Variants in LCK observed in about 807,000 individuals in gnomAD.
LCK encodes the protein tyrosine-protein kinase Lck.
In LCK, 14 loss-of-function variants were observed where a neutral mutation model predicts 64.6. That is an observed-to-expected ratio of 0.22 (90% CI 0.14 to 0.34). LCK has a LOEUF of 0.34. Ranked by LOEUF, LCK falls within the 10% of genes least tolerant of loss-of-function variation. The probability of loss-of-function intolerance (pLI) is 1.00; values close to 1 mark genes in which losing one functional copy is unlikely to be tolerated. For missense variants in LCK, 434 were observed against 668.1 expected, an observed-to-expected ratio of 0.65 and a Z score of 3.86; for synonymous variants, 277 against 263.6, an observed-to-expected ratio of 1.05 and a Z score of -0.49.
intron 1 of LCK, among the ~76,000 whole-genome samples, chr1:32,267,281 G>T (rs1487939197): frequency 6.6e-6 from 1 of 151,964 alleles, no homozygotes; most frequent in Non-Finnish European, 1.5e-5. Context: ...GAGTGAATAC[G>T]TACCCTTTTC....
chr1:32,280,437 CTTTTTCTTTTTTTTTTT>C (rs1640419044), intron 12 of LCK, among the ~76,000 whole-genome samples: 1 of 104,796 alleles, frequency 9.5e-6, no homozygotes, highest in Non-Finnish European at 2.0e-5. Flanking sequence ...CTCTTTTTTT[CTTTTTCTTTTTTTTTTT>C]TTTTTTTTTT....
At position 32,251,515 on chromosome 1, in the gene LCK, G is replaced by A. The variant is rs1639505322; in HGVS notation, c.-6+144G>A. ...GAAGATCCTCGCTCAAGGTCAGGTG[G>A]GAGGCAGGCAGTGTAGCTGGGTCGC... On this transcript the variant is annotated intron_variant, in intron 1 of 12. Transcript: ENST00000336890. The surrounding 1 kb of genome is among the most constrained non-coding windows in gnomAD (Gnocchi z 4.0). The A allele has an allele frequency of 6.6e-6, 1 of 152,558 alleles. No individual in the cohort carries two copies. Among genetic ancestry groups the A allele is most frequent in the African/African-American group, 2.4e-5 (1 of 41,456 alleles). 9.5% of individuals were successfully genotyped at this position (152,558 alleles called of 1,614,324 possible).
Position 32,264,572 on chromosome 1 carries a change from C to T in LCK, c.-5-9753C>T, listed in dbSNP as rs1206861279. On this transcript the variant is annotated intron_variant, in intron 1 of 12. Coordinates refer to ENST00000336890, the MANE Select transcript of LCK (RefSeq NM_005356.5). Reference sequence around the variant, plus strand: ...TGTATTATTGGGACAATCACTGAACCTCTCCTTTTCCCCAGTTTTAAAATG... The same window carrying T: ...TGTATTATTGGGACAATCACTGAACTTCTCCTTTTCCCCAGTTTTAAAATG... Among the ~76,000 whole-genome samples the T allele has an allele frequency of 2.6e-5, 4 of 152,118 alleles. No homozygotes were observed. The East Asian group carries it at 5.8e-4, about 22-fold the overall frequency.
intron 1 of LCK, among the ~76,000 whole-genome samples, chr1:32,264,476 G>A (rs1008737585): frequency 3.3e-5 from 5 of 151,862 alleles, no homozygotes; most frequent in Non-Finnish European, 7.4e-5. Flanking sequence ...GGGCAACGTA[G>A]TGAGACCTCG....
rs538603545 is a variant in LCK at position 32,281,608 on chromosome 1, C to G, written c.1327+1398C>G. ...CCTTTACCCCTGAATTCAGCCAAGA[C>G]AGGGATGGAATTTTTGAAAGGAACT... On this transcript the variant is annotated intron_variant, in intron 12 of 12. Transcript: ENST00000336890. Among the ~76,000 whole-genome samples the G allele has an allele frequency of 3.3e-4, 50 of 152,158 alleles. 1 individual carries two copies. The South Asian group carries it at 1.0e-2, about 30-fold the overall frequency.
intron 12 of LCK, among the ~76,000 whole-genome samples, chr1:32,283,512 A>G (rs1228995712): frequency 6.6e-6 from 1 of 152,132 alleles, no homozygotes; most frequent in Non-Finnish European, 1.5e-5. Flanking sequence ...TACATGAGCA[A>G]TTTAGAAATA....
In LCK at chr1:32,276,284, T is replaced by C; in HGVS notation, c.632-53T>C. The C allele has an allele frequency of 6.6e-7, 1 of 1,521,254 alleles. No individual in the cohort carries two copies. Among genetic ancestry groups the C allele is most frequent in the East Asian group, 2.3e-5 (1 of 44,056 alleles). 94.2% of individuals were successfully genotyped at this position (1,521,254 alleles called of 1,614,324 possible). ...GCTTGGAGAAGTGGGGGAGGTGGTG[T>C]CAATACGAGGCCTGCCCTATTGACA... On this transcript the variant is annotated intron_variant, in intron 7 of 12. Coordinates refer to ENST00000336890, the MANE Select transcript of LCK (RefSeq NM_005356.5). The surrounding 1 kb of genome is among the most constrained non-coding windows in gnomAD (Gnocchi z 4.6).
chr1:32,255,254 G>T (rs1398410281), intron 1 of LCK, among the ~76,000 whole-genome samples: 1 of 152,144 alleles, frequency 6.6e-6, no homozygotes, highest in Non-Finnish European at 1.5e-5. Context: ...ATTTTACCTG[G>T]TTTGGGCCTC....
chr1:32,256,095 C>T (rs1260924381), intron 1 of LCK, among the ~76,000 whole-genome samples: 1 of 151,866 alleles, frequency 6.6e-6, no homozygotes, highest in African/African-American at 2.4e-5. Context: ...TAGCAACACC[C>T]CGTCTCTATT....
intron 1 of LCK, among the ~76,000 whole-genome samples, chr1:32,262,868 G>GAAAAAA (rs539749343): frequency 1.2e-5 from 1 of 85,572 alleles, no homozygotes; most frequent in African/African-American, 3.7e-5. Flanking sequence ...GAGGAAGGGA[G>GAAAAAA]AAAAAAAAAA....
chr1:32,275,760 G>C lies in LCK; in HGVS notation c.481+88G>C. 4.3e-6 allele frequency: 6 copies of C among 1,403,540 alleles called. No homozygotes were observed. The highest frequency in any genetic ancestry group is 5.8e-6 in the Non-Finnish European group (6 of 1,031,454). 86.9% of individuals were successfully genotyped at this position (1,403,540 alleles called of 1,614,324 possible). A position where few individuals can be genotyped will look rare whatever the true frequency, so the allele number is the denominator to read the frequency against. On this transcript the variant is annotated intron_variant, in intron 6 of 12. Coordinates refer to ENST00000336890, the MANE Select transcript of LCK (RefSeq NM_005356.5). The surrounding 1 kb of genome is among the most constrained non-coding windows in gnomAD (Gnocchi z 6.9). Reference sequence around the variant, plus strand: ...CAGGGTGAGCCCGAGGTGGAGACACGGGGTGAGTCGGAGGGGGACGCGGGA... The same window carrying C: ...CAGGGTGAGCCCGAGGTGGAGACACCGGGTGAGTCGGAGGGGGACGCGGGA...
chr1:32,275,264 G>A lies in LCK; in HGVS notation c.279-57G>A, dbSNP rs545721651. 1.3e-6 allele frequency: 2 copies of A among 1,574,902 alleles called. No individual in the cohort carries two copies. The highest frequency in any genetic ancestry group is 2.2e-5 in the East Asian group (1 of 44,654). ...GCTTAAGGGGTGGAGGGGTCTTTGA[G>A]GGAGGGTCTCAGGTCGACGGCTGAG... is the stretch of plus-strand genomic sequence containing the variant. On this transcript the variant is annotated intron_variant, in intron 4 of 12. Coordinates refer to ENST00000336890, the MANE Select transcript of LCK (RefSeq NM_005356.5). This position sits in a 1 kb window ranked among gnomAD's most constrained non-coding sequence, Gnocchi z 6.9.
At chr1:32,263,430 TA>T (rs1639834044) in intron 1 of LCK, among the ~76,000 whole-genome samples, 1 of 139,430 alleles carries the variant, frequency 7.2e-6, no homozygotes, top group African/African-American at 3.0e-5. Context: ...AATAAATAAA[TA>T]AATAAATAAA....
Position 32,275,171 on chromosome 1 carries a change from C to A in LCK, c.278+88C>A. ...CAGCCCTCCTGCGGCCCTTGACCAG[C>A]TCGGGGTGGCCGCCCTTGGGACAAA... On this transcript the variant is annotated intron_variant, in intron 4 of 12. Transcript: ENST00000336890. The surrounding 1 kb of genome is among the most constrained non-coding windows in gnomAD (Gnocchi z 6.9). 6.8e-7 allele frequency: 1 copy of A among 1,473,822 alleles called. No homozygotes were observed. The highest frequency in any genetic ancestry group is 9.4e-7 in the Non-Finnish European group (1 of 1,063,820). The allele number at this position is 1,473,822 out of a possible 1,614,324, so 91.3% of individuals were successfully genotyped here.
intron 1 of LCK, among the ~76,000 whole-genome samples, chr1:32,261,999 C>T (rs1336823354): frequency 6.8e-6 from 1 of 147,344 alleles, no homozygotes; most frequent in Admixed American, 6.7e-5. Flanking sequence ...CTCAGCCTCC[C>T]AAGTAGCTCA....
At chr1:32,282,013 T>C (rs1314442488) in intron 12 of LCK, among the ~76,000 whole-genome samples, 2 of 152,108 alleles carry the variant, frequency 1.3e-5, no homozygotes, top group Admixed American at 1.3e-4. Flanking sequence ...GAGGTTGCAG[T>C]GAGCTGAGAT....
Position 32,275,904 on chromosome 1 carries a change from A to G in LCK, c.482-10A>G. 2 of 1,613,980 alleles carry G rather than the reference A, an allele frequency of 1.2e-6. No homozygotes were observed. The highest frequency in any genetic ancestry group is 2.2e-5 in the East Asian group (1 of 44,892). On this transcript the variant is annotated splice_polypyrimidine_tract_variant and intron_variant, in intron 6 of 12. Coordinates refer to ENST00000336890, the MANE Select transcript of LCK (RefSeq NM_005356.5). This position sits in a 1 kb window ranked among gnomAD's most constrained non-coding sequence, Gnocchi z 6.9. ...CTTTCGTCGCTTTGTCCATCCATTC[A>G]TTCATTCAGGATCGTTTTCACTGTC...
intron 9 of LCK, among the ~76,000 whole-genome samples, chr1:32,278,929 A>C (rs963235395): frequency 1.3e-5 from 2 of 152,150 alleles, no homozygotes; most frequent in Admixed American, 1.3e-4. Flanking sequence ...ACTCCCATCC[A>C]TGTCCAGCTG....
In LCK at chr1:32,266,292, A is replaced by T. The variant is rs1035747952; in HGVS notation, c.-5-8033A>T. On this transcript the variant is annotated intron_variant, in intron 1 of 12. Coordinates refer to ENST00000336890, the MANE Select transcript of LCK (RefSeq NM_005356.5). ...CAAATCACAAGGTCAGGAGATCAAG[A>T]CCATCCTGGCTAACATGGTGAAACC... Among the ~76,000 whole-genome samples, 4 of 151,280 alleles carry T rather than the reference A, an allele frequency of 2.6e-5. No homozygotes were observed. In the East Asian group the frequency reaches 7.8e-4, roughly 29 times the overall value.
Sources: allele counts gnomAD v4.1 joint callset (sites outside exome capture counted in the v4.1 genomes callset), GRCh38; gene constraint gnomAD v4.1.1; non-coding constraint Gnocchi (gnomAD v3.1); transcripts MANE v1.5; gene names NCBI Gene and HGNC (gene_info 2026-07-23, HGNC 2026-07-21).